Variants in CSMD1 observed in about 807,000 individuals in gnomAD.
CSMD1 encodes the protein CUB and Sushi multiple domains 1, also known as CUB and sushi domain-containing protein 1.
A neutral mutation model predicts 417.5 loss-of-function variants in CSMD1; 213 were observed. The ratio of observed to expected loss-of-function variants is 0.51; its 90% confidence interval spans 0.46 to 0.57. The LOEUF (loss-of-function observed/expected upper bound fraction) is 0.57, where lower values mean the gene tolerates loss of function less well. Ranked by LOEUF, CSMD1 falls within the 20% of genes least tolerant of loss-of-function variation. The pLI is 0.00. For missense variants in CSMD1, 6,923 were observed against 4,529.7 expected (o/e 1.53, Z -15.17); for synonymous variants, 2,862 against 1,736.8 (o/e 1.65, Z -16.11).
chr8:3,466,243 T>C (rs988512940), intron 12 of CSMD1, among the ~76,000 whole-genome samples: 2 of 152,026 alleles, frequency 1.3e-5, no homozygotes, highest in Non-Finnish European at 2.9e-5. Context: ...ACAAAGGGTT[T>C]AAATAACTTA....
chr8:3,433,775 C>T (rs1416942209), intron 12 of CSMD1, among the ~76,000 whole-genome samples: 1 of 152,176 alleles, frequency 6.6e-6, no homozygotes, highest in Non-Finnish European at 1.5e-5. Context: ...CTACGTAAGA[C>T]TTCAGAGCAG....
intron 54 of CSMD1, among the ~76,000 whole-genome samples, chr8:2,979,464 T>C (rs1805221069): frequency 6.6e-6 from 1 of 152,218 alleles, no homozygotes; most frequent in South Asian, 2.1e-4. Flanking sequence ...GTGAGGGAAT[T>C]AGCGATGTGC....
At position 3,574,968 on chromosome 8, in the gene CSMD1, T is replaced by A. The variant is rs759281667; in HGVS notation, c.1321A>T (p.Ile441Phe). 6.2e-7 allele frequency: 1 copy of A among 1,612,526 alleles called. No individual in the cohort carries two copies. The highest frequency in any genetic ancestry group is 8.5e-7 in the Non-Finnish European group (1 of 1,179,626). Residue 441 changes from isoleucine to phenylalanine, a missense_variant, in exon 10 of 70, where the codon ATC (isoleucine) becomes TTC (phenylalanine). Transcript: ENST00000635120. ...YEDNAHCVWV[I>F]TTTDPDKVIK... is the part of the protein sequence containing the mutation. The stretch of plus-strand genomic sequence containing the variant: ...ACCTTGTCCGGGTCGGTGGTGGTGA[T>A]GACCCACACACAGTGTGCATTATCT...
intron 1 of CSMD1, among the ~76,000 whole-genome samples, chr8:4,878,287 T>TAACAC (rs776064672): frequency 6.6e-6 from 1 of 152,044 alleles, no homozygotes; most frequent in Admixed American, 6.6e-5. Context: ...TTGACCAACT[T>TAACAC]AACACAACGC....
intron 3 of CSMD1, among the ~76,000 whole-genome samples, chr8:4,090,689 C>G (rs896633593): frequency 6.6e-6 from 1 of 152,174 alleles, no homozygotes; most frequent in East Asian, 1.9e-4. Flanking sequence ...CTAATTTTAT[C>G]TCTAGTAGGT....
chr8:4,450,285 G>A (rs576635937), intron 2 of CSMD1, among the ~76,000 whole-genome samples: 1 of 152,196 alleles, frequency 6.6e-6, no homozygotes, highest in Non-Finnish European at 1.5e-5. Context: ...ATGGGAGAAA[G>A]CTGTGCACTG....
chr8:4,202,597 T>G (rs758030065), intron 3 of CSMD1, among the ~76,000 whole-genome samples: 8 of 152,244 alleles, frequency 5.3e-5, no homozygotes, highest in Non-Finnish European at 8.8e-5. Context: ...GTTACTTTCC[T>G]GCAATCTCTT....
intron 25 of CSMD1, among the ~76,000 whole-genome samples, chr8:3,286,524 T>A (rs1471897780): frequency 6.6e-6 from 1 of 152,194 alleles, no homozygotes; most frequent in Non-Finnish European, 1.5e-5. Context: ...CCATTCTAAC[T>A]GGTGTGAGAT....
intron 3 of CSMD1, among the ~76,000 whole-genome samples, chr8:4,357,515 C>G (rs945778594): frequency 1.3e-5 from 2 of 152,132 alleles, no homozygotes; most frequent in African/African-American, 2.4e-5. Flanking sequence ...TTCCTCTGCA[C>G]TACCATCTCT....
At chr8:3,831,153 G>C (rs1045514018) in intron 5 of CSMD1, among the ~76,000 whole-genome samples, 9 of 152,114 alleles carry the variant, frequency 5.9e-5, no homozygotes, top group African/African-American at 2.2e-4. Context: ...CAATTCAAAA[G>C]AAACCCAATT....
chr8:4,360,822 G>A (rs1175941760), intron 3 of CSMD1, among the ~76,000 whole-genome samples: 1 of 151,674 alleles, frequency 6.6e-6, no homozygotes, highest in Non-Finnish European at 1.5e-5. Flanking sequence ...CACAGTTCCT[G>A]ACACAATTAA....
intron 7 of CSMD1, among the ~76,000 whole-genome samples, chr8:3,694,777 G>C (rs1414322454): frequency 2.0e-5 from 3 of 151,750 alleles, no homozygotes; most frequent in African/African-American, 7.3e-5. Flanking sequence ...GGAAAGAGCG[G>C]TCCAAGCAGA....
At chr8:4,045,204 C>G (rs1317302089) in intron 3 of CSMD1, among the ~76,000 whole-genome samples, 1 of 152,068 alleles carries the variant, frequency 6.6e-6, no homozygotes, top group Non-Finnish European at 1.5e-5. Context: ...TCTGAGGAAC[C>G]CACAATGTGG....
At chr8:3,011,775 T>G (rs1808400595) in intron 52 of CSMD1, among the ~76,000 whole-genome samples, 2 of 152,234 alleles carry the variant, frequency 1.3e-5, no homozygotes, top group South Asian at 4.1e-4. Flanking sequence ...ATGTAAATGT[T>G]TTCAAAATAT....
In CSMD1 at chr8:4,581,333, T is replaced by A. The variant is rs186726673; in HGVS notation, c.302+56009A>T. 2.0e-4 allele frequency among the ~76,000 whole-genome samples: 30 copies of A among 152,300 alleles called. No individual in the cohort carries two copies. The East Asian group carries it at 3.1e-3, about 16-fold the overall frequency. On this transcript the variant is annotated intron_variant, in intron 2 of 69. Transcript: ENST00000635120. ...AATGAATTATTTTAAGTTGAATATA[T>A]ACTACTTTAATTAAATCTTACTACC...
intron 3 of CSMD1, among the ~76,000 whole-genome samples, chr8:4,131,682 T>C (rs1803113046): frequency 6.6e-6 from 1 of 151,976 alleles, no homozygotes. Flanking sequence ...ACTTCATTTA[T>C]TGCATCCCTT....
At chr8:4,894,263 A>T (rs1422691713) in intron 1 of CSMD1, among the ~76,000 whole-genome samples, 4 of 152,006 alleles carry the variant, frequency 2.6e-5, no homozygotes, top group Non-Finnish European at 4.4e-5. Flanking sequence ...TTTACCTATC[A>T]AGTCTTTTGT....
At chr8:3,452,130 T>C (rs1264696947) in intron 12 of CSMD1, among the ~76,000 whole-genome samples, 1 of 152,216 alleles carries the variant, frequency 6.6e-6, no homozygotes, top group Non-Finnish European at 1.5e-5. Flanking sequence ...CTGTTATTGT[T>C]TTATAAGAAT....
intron 6 of CSMD1, among the ~76,000 whole-genome samples, chr8:3,727,839 G>A (rs565287821): frequency 1.3e-5 from 2 of 152,170 alleles, no homozygotes; most frequent in African/African-American, 2.4e-5. Flanking sequence ...AGGGCAGTGC[G>A]CCAGGTGAAA....
Sources: allele counts gnomAD v4.1 joint callset (sites outside exome capture counted in the v4.1 genomes callset), GRCh38; gene constraint gnomAD v4.1.1; transcripts MANE v1.5; gene names NCBI Gene and HGNC (gene_info 2026-07-23, HGNC 2026-07-21).